Variants in PHOSPHO1 observed in about 807,000 individuals in gnomAD.
PHOSPHO1 encodes the protein phosphoethanolamine/phosphocholine phosphatase 1.
PHOSPHO1 carries 6 observed loss-of-function variants against 17.7 expected under a neutral mutation model. That is an observed-to-expected ratio of 0.34 (90% CI 0.19 to 0.67). PHOSPHO1 has a LOEUF of 0.67. Ranked by LOEUF, PHOSPHO1 falls within the 30% of genes least tolerant of loss-of-function variation. PHOSPHO1 has a pLI of 0.69. For missense variants in PHOSPHO1, 330 were observed against 392.1 expected (o/e 0.84, Z 1.34); for synonymous variants, 159 against 174.6 (o/e 0.91, Z 0.71).
At position 49,224,865 on chromosome 17, in the gene PHOSPHO1, G is replaced by T; in HGVS notation, c.185C>A (p.Thr62Asn). Residue 62 changes from threonine to asparagine, a missense_variant, in exon 3 of 3, where the codon ACC (threonine) becomes AAC (asparagine). Thr to Asn is a moderately conservative substitution (Grantham distance 65). Transcript: ENST00000310544. The part of the protein sequence containing the change: ...GQRLPESLRA[T>N]YREGFYNEYM... ...CTCGTTGTAGAAGCCCTCGCGGTAG[G>T]TGGCTCGCAGGCTCTCCGGGAGCCG... The T allele has an allele frequency of 6.2e-7, 1 of 1,606,816 alleles. No individual in the cohort carries two copies. The highest frequency in any genetic ancestry group is 8.5e-7 in the Non-Finnish European group (1 of 1,177,248).
At chr17:49,225,750 G>A (rs1254584798) in intron 2 of PHOSPHO1, 1 of 1,281,696 alleles carries the variant, frequency 7.8e-7, no homozygotes, top group East Asian at 5.6e-5. Flanking sequence ...GGGGAGGTAA[G>A]AGCCTCCCGC....
chr17:49,226,553 C>A, intron 2 of PHOSPHO1, 94 bp downstream of exon 2: 1 of 1,348,118 alleles, frequency 7.4e-7, no homozygotes, highest in Non-Finnish European at 1.1e-6. Context: ...CTAAAACGGG[C>A]TGGATAGGGC....
chr17:49,228,244 C>G (rs1305151824), intron 1 of PHOSPHO1, among the ~76,000 whole-genome samples: 1 of 121,560 alleles, frequency 8.2e-6, no homozygotes, highest in Non-Finnish European at 1.8e-5. Context: ...CTTCCTGTCT[C>G]TCTCCTTCCT....
At chr17:49,229,727 A>G (rs910126275) in intron 1 of PHOSPHO1, among the ~76,000 whole-genome samples, 3 of 152,196 alleles carry the variant, frequency 2.0e-5, no homozygotes, top group Non-Finnish European at 4.4e-5. Flanking sequence ...ATCAGATCCA[A>G]CAACTAAGCT....
At position 49,224,797 on chromosome 17, in the gene PHOSPHO1, G is replaced by A; in HGVS notation, c.253C>T (p.Arg85Trp). The change falls in exon 3 of 3, where the codon CGG becomes TGG. Residue 85 changes from arginine to tryptophan, a missense_variant. Transcript: ENST00000310544. ...TAGATGGCGCTCAGGTCCCGCGGCC[G>A]CACGCCCTGCTCGCCCAGGTACTTG... ...VFKYLGEQGV[R>W]PRDLSAIYEA... 2 of 1,598,250 alleles carry A rather than the reference G, an allele frequency of 1.3e-6. No individual in the cohort carries two copies. Among genetic ancestry groups the A allele is most frequent in the East Asian group, 2.3e-5 (1 of 43,866 alleles).
At position 49,226,659 on chromosome 17, in the gene PHOSPHO1, G is replaced by T. The variant is rs1264252287; in HGVS notation, c.33C>A (p.Arg11=). Residue 11 remains arginine, a synonymous_variant, in exon 2 of 3, where the codon CGC becomes CGA. Transcript: ENST00000310544. ...GGGACCCACTTACCCTAGATAGGCA[G>T]CGGAGGCCAGAAACTGGAAAACAGC... The part of the protein sequence containing the change: MSGCFPVSGL[R]CLSRDGRMAA... 6.2e-7 allele frequency: 1 copy of T among 1,614,200 alleles called. No homozygotes were observed. The highest frequency in any genetic ancestry group is 2.2e-5 in the East Asian group (1 of 44,878).
rs1159471389 is a variant in PHOSPHO1 at position 49,224,801 on chromosome 17, G to A, written c.249C>T (p.Gly83=). The change falls in exon 3 of 3, where the codon GGC becomes GGT. Residue 83 remains glycine (G), a synonymous_variant. Transcript: ENST00000310544. Reference sequence around the variant, plus strand: ...TGGCGCTCAGGTCCCGCGGCCGCACGCCCTGCTCGCCCAGGTACTTGAAGA... The same window carrying A: ...TGGCGCTCAGGTCCCGCGGCCGCACACCCTGCTCGCCCAGGTACTTGAAGA... ...QRVFKYLGEQ[G]VRPRDLSAIY... is the part of the protein sequence containing the mutation. The A allele has an allele frequency of 5.0e-6, 8 of 1,598,586 alleles. No homozygotes were observed. Among genetic ancestry groups the A allele is most frequent in the Non-Finnish European group, 6.0e-6 (7 of 1,172,982 alleles).
At chr17:49,225,639 C>T (rs1486268842) in intron 2 of PHOSPHO1, 2 of 1,291,546 alleles carry the variant, frequency 1.5e-6, no homozygotes, top group African/African-American at 3.0e-5. Context: ...GCTGACAGCT[C>T]ATCACTAATC....
At position 49,224,824 on chromosome 17, in the gene PHOSPHO1, A is replaced by G. The variant is rs2043333161; in HGVS notation, c.226T>C (p.Phe76Leu). 1 of 1,604,256 alleles carries G rather than the reference A, an allele frequency of 6.2e-7. No homozygotes were observed. ...ACGCCCTGCTCGCCCAGGTACTTGA[A>G]GACGCGCTGCATGTACTCGTTGTAG... is the stretch of plus-strand genomic sequence containing the variant. ...GFYNEYMQRVFKYLGEQGVRP... is the reference protein window; with the variant it reads ...GFYNEYMQRVLKYLGEQGVRP... Residue 76 changes from phenylalanine (F) to leucine (L), a missense_variant, in exon 3 of 3, where the codon TTC becomes CTC. By Grantham distance (22) the Phe-to-Leu change is conservative (BLOSUM62 0). Coordinates refer to ENST00000310544, the MANE Select transcript of PHOSPHO1 (RefSeq NM_178500.4).
intron 1 of PHOSPHO1, among the ~76,000 whole-genome samples, chr17:49,229,421 G>A (rs1479478076): frequency 6.6e-6 from 1 of 152,140 alleles, no homozygotes; most frequent in East Asian, 1.9e-4. Context: ...AGCAGTGCCT[G>A]CCTCCTTAAT....
Position 49,224,297 on chromosome 17 carries a change from T to C in PHOSPHO1, c.753A>G (p.Glu251=). The change falls in exon 3 of 3, where the codon GAA becomes GAG. Residue 251 remains glutamate (E), a synonymous_variant. Transcript: ENST00000310544. ...GGTGGAGGCGCACATCTGCAGCCGT[T>C]TCCCAGGGCACCACGCTGGCGCGGA... The part of the protein sequence containing the change: ...SSFRASVVPW[E]TAADVRLHLQ... 4 of 1,597,850 alleles carry C rather than the reference T, an allele frequency of 2.5e-6. No homozygotes were observed. Among genetic ancestry groups the C allele is most frequent in the Non-Finnish European group, 3.4e-6 (4 of 1,176,102 alleles).
In PHOSPHO1 at chr17:49,224,325, G is replaced by C; in HGVS notation, c.725C>G (p.Ser242Trp). The C allele has an allele frequency of 6.3e-7, 1 of 1,590,578 alleles. No homozygotes were observed. The highest frequency in any genetic ancestry group is 8.5e-7 in the Non-Finnish European group (1 of 1,172,042). ...CCAGGGCACCACGCTGGCGCGGAACGAGCTGGGCTCGGCCTTCTGGGCCTC... is the reference window on the plus strand; with the variant it reads ...CCAGGGCACCACGCTGGCGCGGAACCAGCTGGGCTCGGCCTTCTGGGCCTC... ...IQEAQKAEPS[S>W]FRASVVPWET... Residue 242 changes from serine to tryptophan, a missense_variant, in exon 3 of 3, where the codon TCG (serine) becomes TGG (tryptophan). Ser to Trp is a radical substitution (Grantham distance 177, BLOSUM62 -3). Coordinates refer to ENST00000310544, the MANE Select transcript of PHOSPHO1 (RefSeq NM_178500.4).
In PHOSPHO1 at chr17:49,226,333, C is replaced by T. The variant is rs568803491; in HGVS notation, c.45+314G>A. Among the ~76,000 whole-genome samples, 10 of 152,254 alleles carry T rather than the reference C, an allele frequency of 6.6e-5. No homozygotes were observed. In the South Asian group the frequency reaches 1.0e-3, roughly 16 times the overall value. ...AAACAGAAACCCAAGCTCCTCATTT[C>T]GGAGCTGGGATTTCGATTGGCTATC... On this transcript the variant is annotated intron_variant, in intron 2 of 2. Transcript: ENST00000310544.
At chr17:49,225,563 C>A in intron 2 of PHOSPHO1, 1 of 1,244,674 alleles carries the variant, frequency 8.0e-7, no homozygotes, top group South Asian at 1.4e-5. Flanking sequence ...CTGCTTCTAG[C>A]CCAATGGCAC....
chr17:49,227,347 G>A (rs1248315769), intron 1 of PHOSPHO1, among the ~76,000 whole-genome samples: 1 of 152,170 alleles, frequency 6.6e-6, no homozygotes, highest in Admixed American at 6.5e-5. Flanking sequence ...GCTCTCAGGG[G>A]TCCGGCAGTC....
intron 2 of PHOSPHO1, chr17:49,225,812 G>A (rs1338332578): frequency 1.6e-6 from 2 of 1,219,234 alleles, no homozygotes; most frequent in Non-Finnish European, 2.1e-6. Flanking sequence ...GAAGAGAGCA[G>A]CAGTGGCTGA....
At chr17:49,229,826 G>T (rs928445234) in intron 1 of PHOSPHO1, among the ~76,000 whole-genome samples, 1 of 152,170 alleles carries the variant, frequency 6.6e-6, no homozygotes, top group Non-Finnish European at 1.5e-5. Flanking sequence ...AAAAACAGAG[G>T]CCCAGAGAGG....
chr17:49,226,772 A>C lies in PHOSPHO1; in HGVS notation c.-67-14T>G. 6.5e-7 allele frequency: 1 copy of C among 1,550,224 alleles called. No homozygotes were observed. Among genetic ancestry groups the C allele is most frequent in the Non-Finnish European group, 8.9e-7 (1 of 1,122,930 alleles). The stretch of plus-strand genomic sequence containing the variant: ...CGTCACACGTTCCTGACAACCACAA[A>C]AGTTCATTTGAGGGTGCCCAGTCAG... On this transcript the variant is annotated splice_polypyrimidine_tract_variant and intron_variant, in intron 1 of 2. Transcript: ENST00000310544.
In PHOSPHO1 at chr17:49,224,306, C is replaced by T; in HGVS notation, c.744G>A (p.Val248=). 1 of 1,597,020 alleles carries T rather than the reference C, an allele frequency of 6.3e-7. No homozygotes were observed. The highest frequency in any genetic ancestry group is 8.5e-7 in the Non-Finnish European group (1 of 1,175,494). The change falls in exon 3 of 3, where the codon GTG becomes GTA. Residue 248 remains valine, a synonymous_variant. Transcript: ENST00000310544. ...GCACATCTGCAGCCGTTTCCCAGGG[C>T]ACCACGCTGGCGCGGAACGAGCTGG... ...AEPSSFRASV[V]PWETAADVRL...
Sources: gnomAD v4.1 joint callset for allele counts (sites outside exome capture counted in the v4.1 genomes callset) on GRCh38, gnomAD v4.1.1 for gene constraint, MANE v1.5 for transcripts, NCBI Gene and HGNC (gene_info 2026-07-23, HGNC 2026-07-21) for gene names.